The following TM4SF4 variants were observed in gnomAD, a reference collection of about 807,000 sequenced individuals.
The protein encoded by TM4SF4 is transmembrane 4 L six family member 4.
A neutral mutation model predicts 24.1 loss-of-function variants in TM4SF4; 24 were observed. The ratio of observed to expected loss-of-function variants is 1.00; its 90% confidence interval spans 0.72 to 1.40. The LOEUF (loss-of-function observed/expected upper bound fraction) is 1.40. Ranked by LOEUF, TM4SF4 falls within the 40% of genes most tolerant of loss-of-function variation. The pLI, the probability that TM4SF4 is intolerant of heterozygous loss-of-function variation, is 0.00. For synonymous variants in TM4SF4, 113 were observed against 97.0 expected, an observed-to-expected ratio of 1.17 and a Z score of -0.97; for missense variants, 254 against 254.2, an observed-to-expected ratio of 1.00 and a Z score of 0.01.
chr3:149,501,414 A>G lies in TM4SF4; in HGVS notation c.592-1262A>G, dbSNP rs1734422854. Reference sequence around the variant, plus strand: ...TCTATTTTGAAAACTTCAAATCTACATAAAGTTGAAGGAATGGTGCAATGA... The same window carrying G: ...TCTATTTTGAAAACTTCAAATCTACGTAAAGTTGAAGGAATGGTGCAATGA... On this transcript the variant is annotated intron_variant, in intron 4 of 4. Coordinates refer to ENST00000305354, the MANE Select transcript of TM4SF4 (RefSeq NM_004617.4). 2.6e-5 allele frequency among the ~76,000 whole-genome samples: 4 copies of G among 152,166 alleles called. No homozygotes were observed. In the South Asian group the frequency reaches 6.2e-4, roughly 24 times the overall value.
Position 149,503,157 on chromosome 3 carries a change from A to G in TM4SF4, c.*464A>G, listed in dbSNP as rs1455521324. ...AAAGAATGATTGATGTATCCTAAGT[A>G]TTGTTATTTGTTGTCTTTTTTTGCT... On this transcript the variant is annotated 3_prime_UTR_variant, in exon 5 of 5. Transcript: ENST00000305354. 1 of 153,238 alleles carries G rather than the reference A, an allele frequency of 6.5e-6. No individual in the cohort carries two copies. The highest frequency in any genetic ancestry group is 2.4e-5 in the African/African-American group (1 of 41,432). 9.5% of individuals were successfully genotyped at this position (153,238 alleles called of 1,614,324 possible).
chr3:149,500,988 C>A (rs1172059151), intron 4 of TM4SF4, among the ~76,000 whole-genome samples: 4 of 141,518 alleles, frequency 2.8e-5, no homozygotes, highest in Admixed American at 7.4e-5. Flanking sequence ...CTTGCCCCTG[C>A]ACTGCACCCT....
chr3:149,478,908 T>C (rs1441163114), intron 2 of TM4SF4, among the ~76,000 whole-genome samples: 2 of 152,112 alleles, frequency 1.3e-5, no homozygotes, highest in Admixed American at 6.5e-5. Flanking sequence ...GGATTACAAG[T>C]GCTTGCCACC....
chr3:149,477,028 G>A (rs1275884405), intron 2 of TM4SF4, among the ~76,000 whole-genome samples: 9 of 151,690 alleles, frequency 5.9e-5, no homozygotes, highest in East Asian at 1.9e-4. Flanking sequence ...TCAAACTCCC[G>A]GACTCAAGCA....
chr3:149,478,765 A>G (rs1244994446), intron 2 of TM4SF4, among the ~76,000 whole-genome samples: 1 of 151,906 alleles, frequency 6.6e-6, no homozygotes, highest in East Asian at 1.9e-4. Context: ...GTTTTGTTCT[A>G]TTTTGTTTTT....
Position 149,495,694 on chromosome 3 carries a change from C to T in TM4SF4, c.402-3028C>T, listed in dbSNP as rs148040858. On this transcript the variant is annotated intron_variant, in intron 3 of 4. Transcript: ENST00000305354. Reference sequence around the variant, plus strand: ...CCAGGCCAAATCAGTGCTAGCTACACCCCTCTGCTGCTAGTCACACAGGTC... The same window carrying T: ...CCAGGCCAAATCAGTGCTAGCTACATCCCTCTGCTGCTAGTCACACAGGTC... The T allele has an allele frequency of 4.9e-4, 122 of 248,086 alleles. No homozygotes were observed. The East Asian group carries it at 0.015, about 30-fold the overall frequency. The allele number at this position is 248,086 out of a possible 1,614,324, so 15.4% of individuals were successfully genotyped here. A position where few individuals can be genotyped will look rare whatever the true frequency, so the allele number is the denominator to read the frequency against.
chr3:149,498,710 T>C lies in TM4SF4; in HGVS notation c.402-12T>C, dbSNP rs766073416. 1 of 1,613,346 alleles carries C rather than the reference T, an allele frequency of 6.2e-7. No homozygotes were observed. Among genetic ancestry groups the C allele is most frequent in the Non-Finnish European group, 8.5e-7 (1 of 1,179,428 alleles). On this transcript the variant is annotated splice_polypyrimidine_tract_variant and intron_variant, in intron 3 of 4. Transcript: ENST00000305354. ...TTACAAATGTTTCCTTTGTCCCCTA[T>C]ATCACCAACAGGGATTATCTCAATG...
chr3:149,480,135 TAAG>T (rs67744174), intron 2 of TM4SF4, among the ~76,000 whole-genome samples: 53,061 of 151,696 alleles, frequency 0.35, 9,852 homozygotes, highest in Non-Finnish European at 0.42. Context: ...GCAAAAATAG[TAAG>T]AACCCCGGCC....
intron 2 of TM4SF4, among the ~76,000 whole-genome samples, chr3:149,478,014 G>C (rs1041201577): frequency 7.9e-5 from 12 of 152,140 alleles, no homozygotes; most frequent in Non-Finnish European, 1.6e-4. Flanking sequence ...TTGTTTGCTT[G>C]ATTTTTGTTT....
At chr3:149,501,036 A>AAG (rs1553783946) in intron 4 of TM4SF4, among the ~76,000 whole-genome samples, 13 of 148,690 alleles carry the variant, frequency 8.7e-5, no homozygotes, top group African/African-American at 3.0e-4. Context: ...AAAAAAAAAA[A>AAG]AGAGAGAGAG....
chr3:149,487,547 G>T, intron 2 of TM4SF4, 72 bp from the exon 3 acceptor site: 1 of 1,574,878 alleles, frequency 6.3e-7, no homozygotes, highest in Non-Finnish European at 8.7e-7. Context: ...TCAACAGCAG[G>T]TGGATTAGGT....
chr3:149,474,829 G>A lies in TM4SF4; in HGVS notation c.-49G>A, dbSNP rs763686507. The A allele has an allele frequency of 1.3e-6, 2 of 1,546,728 alleles. No individual in the cohort carries two copies. Among genetic ancestry groups the A allele is most frequent in the South Asian group, 1.2e-5 (1 of 80,196 alleles). ...AAACCCTTGAAGAGGCCCCGTGAAG[G>A]AGGCAGTGAGGAGCTTTTGATTGCT... On this transcript the variant is annotated 5_prime_UTR_variant, in exon 1 of 5. Coordinates refer to ENST00000305354, the MANE Select transcript of TM4SF4 (RefSeq NM_004617.4).
intron 3 of TM4SF4, among the ~76,000 whole-genome samples, chr3:149,488,826 A>G (rs551704808): frequency 6.6e-6 from 1 of 152,284 alleles, no homozygotes; most frequent in South Asian, 2.1e-4. Flanking sequence ...GAGTCAGGAA[A>G]TATAACTATA....
Position 149,498,872 on chromosome 3 carries a change from G to T in TM4SF4, c.552G>T (p.Gly184=). ...CAIQVVNGLL[G]TLCGDCQCCG... is the part of the protein sequence containing the mutation. ...TCCAGGTGGTCAATGGCCTCCTGGGGACCCTCTGTGGGGACTGCCAGTGTT... is the reference window on the plus strand; with the variant it reads ...TCCAGGTGGTCAATGGCCTCCTGGGTACCCTCTGTGGGGACTGCCAGTGTT... Residue 184 remains glycine (G), a synonymous_variant, in exon 4 of 5, where the codon GGG becomes GGT. Coordinates refer to ENST00000305354, the MANE Select transcript of TM4SF4 (RefSeq NM_004617.4). The T allele has an allele frequency of 1.9e-6, 3 of 1,613,954 alleles. No homozygotes were observed. Among genetic ancestry groups the T allele is most frequent in the Non-Finnish European group, 2.5e-6 (3 of 1,179,862 alleles).
intron 3 of TM4SF4, among the ~76,000 whole-genome samples, chr3:149,496,518 A>C (rs573026139): frequency 6.6e-6 from 1 of 152,358 alleles, no homozygotes; most frequent in African/African-American, 2.4e-5. Flanking sequence ...GCCGTGGCTC[A>C]CAACTGTAAT....
In TM4SF4 at chr3:149,487,704, G is replaced by C. The variant is rs554942381; in HGVS notation, c.350G>C (p.Gly117Ala). 1.2e-6 allele frequency: 2 copies of C among 1,613,960 alleles called. No homozygotes were observed. The highest frequency in any genetic ancestry group is 2.2e-5 in the South Asian group (2 of 91,082). The change falls in exon 3 of 5, where the codon GGT becomes GCT. Residue 117 changes from glycine (G) to alanine (A), a missense_variant. Gly to Ala is a moderately conservative substitution (Grantham distance 60). Coordinates refer to ENST00000305354, the MANE Select transcript of TM4SF4 (RefSeq NM_004617.4). ...FIISAISINK[G>A]PKCLMANSTW... ...ATCTCAGCCATTTCAATCAACAAGG[G>C]TCCTAAATGCCTCATGGCCAATAGT...
rs530366822 is a variant in TM4SF4 at position 149,501,790 on chromosome 3, G to A, written c.592-886G>A. 7.9e-5 allele frequency among the ~76,000 whole-genome samples: 12 copies of A among 152,316 alleles called. No homozygotes were observed. The East Asian group carries it at 2.3e-3, about 29-fold the overall frequency. ...TGCCTAACTTATGGAGAGAGTGTAA[G>A]ATCAACATCTATCCATTCAGGCGGA... On this transcript the variant is annotated intron_variant, in intron 4 of 4. Transcript: ENST00000305354.
intron 2 of TM4SF4, among the ~76,000 whole-genome samples, chr3:149,485,227 A>G (rs921365539): frequency 5.9e-5 from 9 of 152,248 alleles, no homozygotes; most frequent in Admixed American, 2.6e-4. Context: ...CATAAGTACT[A>G]TATTTTTAGA....
chr3:149,499,771 A>T (rs1734382689), intron 4 of TM4SF4, among the ~76,000 whole-genome samples: 1 of 152,170 alleles, frequency 6.6e-6, no homozygotes, highest in South Asian at 2.1e-4. Context: ...GCTACTCAGG[A>T]GACTGAGGCA....
Sources: allele counts gnomAD v4.1 joint callset (sites outside exome capture counted in the v4.1 genomes callset), GRCh38; gene constraint gnomAD v4.1.1; transcripts MANE v1.5; gene names NCBI Gene and HGNC (gene_info 2026-07-23, HGNC 2026-07-21).